Variants in DHX29 observed in about 807,000 individuals in gnomAD.
DHX29 encodes DExH-box helicase 29.
Under a neutral mutation model 167.9 loss-of-function variants are expected in DHX29, and 79 were observed. The observed-to-expected ratio is 0.47, with a 90% CI of 0.39 to 0.57. DHX29 has a LOEUF of 0.57. Ranked by LOEUF, DHX29 falls within the 20% of genes least tolerant of loss-of-function variation. The probability of loss-of-function intolerance (pLI) is 0.00; values close to 1 mark genes in which losing one functional copy is unlikely to be tolerated. For missense variants in DHX29, 1,347 were observed against 1,593.4 expected (o/e 0.85, Z 2.63); for synonymous variants, 530 against 546.0 (o/e 0.97, Z 0.41).
chr5:55,298,475 A>G (rs962439419), intron 2 of DHX29, 116 bp downstream of exon 2: 1 of 626,370 alleles, frequency 1.6e-6, no homozygotes, highest in Non-Finnish European at 2.9e-6. Context: ...CTCTTAGAGT[A>G]CTATTTACAA....
intron 20 of DHX29, 84 bp from the exon 21 acceptor site, chr5:55,269,721 C>A: frequency 8.6e-7 from 1 of 1,165,730 alleles, no homozygotes. Flanking sequence ...CTAAATTTGA[C>A]TTCAGTAAAA....
At chr5:55,260,174 A>C (rs1746244235) in intron 25 of DHX29, among the ~76,000 whole-genome samples, 2 of 152,110 alleles carry the variant, frequency 1.3e-5, no homozygotes, top group South Asian at 2.1e-4. Context: ...TACTCCAATA[A>C]TTGTTTTCTT....
chr5:55,293,103 C>T (rs562382045), intron 6 of DHX29, among the ~76,000 whole-genome samples: 16 of 152,120 alleles, frequency 1.1e-4, no homozygotes, highest in African/African-American at 3.4e-4. Context: ...AAAGCAAATA[C>T]GTAGCTATAT....
chr5:55,257,588 C>T (rs1746113536), intron 26 of DHX29, among the ~76,000 whole-genome samples: 1 of 152,188 alleles, frequency 6.6e-6, no homozygotes, highest in South Asian at 2.1e-4. Context: ...CCATACCTGG[C>T]TCCAAGAACC....
intron 1 of DHX29, among the ~76,000 whole-genome samples, chr5:55,302,483 G>A (rs1748652646): frequency 6.6e-6 from 1 of 151,858 alleles, no homozygotes. Flanking sequence ...AGCTAGGTGT[G>A]GTGGCTTGTG....
intron 10 of DHX29, 39 bp downstream of exon 10, chr5:55,285,254 C>T: frequency 1.9e-6 from 3 of 1,596,260 alleles, no homozygotes; most frequent in Non-Finnish European, 2.6e-6. Flanking sequence ...TAAATACTGC[C>T]TTCCACATAC....
intron 1 of DHX29, among the ~76,000 whole-genome samples, chr5:55,304,309 C>CT (rs397882409): frequency 0.1 from 11,628 of 112,642 alleles, 1,280 homozygotes; most frequent in East Asian, 0.2. Context: ...TCAAATGTCA[C>CT]TTTTTTTTTT....
rs200474683 is a variant in DHX29, at chr5:55,281,785, CTTTT to C, written c.1966-274_1966-271del. On this transcript the variant is annotated intron_variant, in intron 11 of 26. Transcript: ENST00000251636. ...ATTTTGGCAAATTTGAACAGAAAAA[CTTTT>C]TTTTTTTTTTTTTGAGACGGAGTTT... is the stretch of plus-strand genomic sequence containing the variant. Among the ~76,000 whole-genome samples the C allele has an allele frequency of 1.1e-4, 15 of 139,138 alleles. No individual in the cohort carries two copies. In the East Asian group the frequency reaches 2.5e-3, roughly 23 times the overall value. 91.3% of individuals were successfully genotyped at this position (139,138 alleles called of 152,430 possible).
intron 10 of DHX29, 110 bp from the exon 11 acceptor site, chr5:55,283,921 AAATT>A: frequency 1.2e-6 from 1 of 860,750 alleles, no homozygotes; most frequent in Non-Finnish European, 1.7e-6. Flanking sequence ...AATTTGACTC[AAATT>A]ATTATTACTT....
At chr5:55,303,272 C>T (rs1403335865) in intron 1 of DHX29, among the ~76,000 whole-genome samples, 6 of 152,132 alleles carry the variant, frequency 3.9e-5, no homozygotes, top group East Asian at 3.8e-4. Context: ...CCCTTCTGAT[C>T]GACAGTGTGT....
chr5:55,265,869 T>C (rs1746534166), intron 23 of DHX29, among the ~76,000 whole-genome samples: 1 of 152,218 alleles, frequency 6.6e-6, no homozygotes, highest in Admixed American at 6.5e-5. Context: ...GGTTGGTAAT[T>C]ATGAAAGTGG....
At chr5:55,293,202 T>G (rs890204805) in intron 6 of DHX29, among the ~76,000 whole-genome samples, 6 of 152,252 alleles carry the variant, frequency 3.9e-5, no homozygotes, top group African/African-American at 1.4e-4. Context: ...ATGGGCTGTT[T>G]GCAGTGTTTG....
chr5:55,298,584 T>C lies in DHX29; in HGVS notation c.261+7A>G. 2 of 1,471,976 alleles carry C rather than the reference T, an allele frequency of 1.4e-6. No homozygotes were observed. The allele number at this position is 1,471,976 out of a possible 1,614,324, so 91.2% of individuals were successfully genotyped here. Reference sequence around the variant, plus strand: ...TCTTGAAATGACTCAAAACCTTTGTTACTTACTTTCAAAATAGATTTATCC... The same window carrying C: ...TCTTGAAATGACTCAAAACCTTTGTCACTTACTTTCAAAATAGATTTATCC... On this transcript the variant is annotated splice_region_variant and intron_variant, in intron 2 of 26. Transcript: ENST00000251636.
chr5:55,284,302 A>G (rs1414152530), intron 10 of DHX29, among the ~76,000 whole-genome samples: 3 of 152,236 alleles, frequency 2.0e-5, no homozygotes, highest in Non-Finnish European at 4.4e-5. Context: ...AATGAACCAC[A>G]AAGCAGTTCT....
rs1747153015 is a variant in DHX29 at position 55,277,133 on chromosome 5, T to C, written c.2259A>G (p.Arg753=). ...CAACAGGATAACTTCTTCCTGAAAT[T>C]CTGAGAATGGGGCAGTGTGTGAAAT... is the stretch of plus-strand genomic sequence containing the variant. ...STYFTHCPIL[R]ISGRSYPVEV... Residue 753 remains arginine, a synonymous_variant, in exon 13 of 27, where the codon AGA becomes AGG. Transcript: ENST00000251636. 1 of 1,610,466 alleles carries C rather than the reference T, an allele frequency of 6.2e-7. No individual in the cohort carries two copies. Among genetic ancestry groups the C allele is most frequent in the Non-Finnish European group, 8.5e-7 (1 of 1,178,834 alleles).
intron 11 of DHX29, 79 bp downstream of exon 11, chr5:55,283,124 C>A: frequency 6.8e-7 from 1 of 1,465,780 alleles, no homozygotes; most frequent in African/African-American, 1.4e-5. Flanking sequence ...ACATATGGTA[C>A]ACATTCCATT....
At chr5:55,289,201 T>C in intron 8 of DHX29, 69 bp downstream of exon 8, 1 of 1,426,966 alleles carries the variant, frequency 7.0e-7, no homozygotes, top group Non-Finnish European at 9.1e-7. Flanking sequence ...TAACGAATTT[T>C]ACCATTATAT....
intron 1 of DHX29, among the ~76,000 whole-genome samples, chr5:55,301,755 C>A (rs1310060359): frequency 6.9e-6 from 1 of 145,026 alleles, no homozygotes; most frequent in Admixed American, 6.9e-5. Flanking sequence ...ATTCCAGAAT[C>A]ATAAATCTAG....
Position 55,272,122 on chromosome 5 carries a change from T to C in DHX29, c.2829A>G (p.Val943=), listed in dbSNP as rs1386586759. The change falls in exon 18 of 27, where the codon GTA becomes GTG. Residue 943 remains valine, a synonymous_variant. Coordinates refer to ENST00000251636, the MANE Select transcript of DHX29 (RefSeq NM_019030.4). ...TTGTTCTTCCAGTATCAATTACAAA[T>C]ACAACATCAGGAATAGTGATACCCG... is the stretch of plus-strand genomic sequence containing the variant. The part of the protein sequence containing the change: ...AETGITIPDV[V]FVIDTGRTKE... The C allele has an allele frequency of 1.6e-5, 26 of 1,584,126 alleles. No homozygotes were observed. The highest frequency in any genetic ancestry group is 2.2e-5 in the Non-Finnish European group (26 of 1,167,896).
Sources: allele counts gnomAD v4.1 joint callset (sites outside exome capture counted in the v4.1 genomes callset), GRCh38; gene constraint gnomAD v4.1.1; transcripts MANE v1.5; gene names NCBI Gene and HGNC (gene_info 2026-07-23, HGNC 2026-07-21).